SLC38A1: variants seen among roughly 807,000 people sequenced by gnomAD.
The protein encoded by SLC38A1 is sodium-coupled neutral amino acid symporter 1.
In SLC38A1, 18 loss-of-function variants were observed where a neutral mutation model predicts 60.3. The observed-to-expected ratio is 0.30, with a 90% CI of 0.21 to 0.44. The LOEUF (loss-of-function observed/expected upper bound fraction) is 0.44. Among genes scored for constraint, SLC38A1 ranks in the 20% least tolerant of loss-of-function variants. The pLI, the probability that SLC38A1 is intolerant of heterozygous loss-of-function variation, is 1.00. For synonymous variants in SLC38A1, 196 were observed against 212.1 expected (o/e 0.92, Z 0.66); for missense variants, 448 against 587.2 (o/e 0.76, Z 2.45).
intron 1 of SLC38A1, among the ~76,000 whole-genome samples, chr12:46,258,810 T>C (rs1470348775): frequency 2.0e-5 from 3 of 152,200 alleles, no homozygotes; most frequent in East Asian, 1.9e-4. Context: ...CATGCCACCA[T>C]GCCCAGCTAA....
At chr12:46,218,035 A>C (rs1199032148) in intron 5 of SLC38A1, among the ~76,000 whole-genome samples, 1 of 152,238 alleles carries the variant, frequency 6.6e-6, no homozygotes, top group Non-Finnish European at 1.5e-5. Flanking sequence ...GGAATCTAAA[A>C]GAAGTATCCC....
intron 5 of SLC38A1, among the ~76,000 whole-genome samples, chr12:46,213,815 A>T (rs1940286186): frequency 6.6e-6 from 1 of 152,232 alleles, no homozygotes; most frequent in South Asian, 2.1e-4. Flanking sequence ...AGACTGTAAG[A>T]CAGACAACGA....
intron 3 of SLC38A1, among the ~76,000 whole-genome samples, chr12:46,234,446 CTT>C (rs397791217): frequency 2.8e-5 from 4 of 140,664 alleles, no homozygotes; most frequent in African/African-American, 5.4e-5. Context: ...TTCTTTCTTT[CTT>C]TTTTTTTTTT....
At chr12:46,207,313 C>T (rs923499275) in intron 7 of SLC38A1, 77 bp from the exon 8 acceptor site, 74 of 1,289,924 alleles carry the variant, frequency 5.7e-5, no homozygotes, top group Non-Finnish European at 7.9e-5. Flanking sequence ...GTTATCAGCC[C>T]GTTCTTAGAC....
intron 5 of SLC38A1, among the ~76,000 whole-genome samples, chr12:46,225,726 T>TC (rs1404009295): frequency 2.0e-5 from 3 of 152,140 alleles, no homozygotes; most frequent in Admixed American, 6.5e-5. Context: ...AGCCTTGTTT[T>TC]CCCCCCATTC....
chr12:46,245,882 C>T lies in SLC38A1; in HGVS notation c.-208-2568G>A, dbSNP rs181596971. ...TTTTATTTTTATTTCCTTTCTTTAG[C>T]TCTAGTCCCTCTTCCTTCTCTTTTT... On this transcript the variant is annotated intron_variant, in intron 1 of 16. Coordinates refer to ENST00000398637, the MANE Select transcript of SLC38A1 (RefSeq NM_030674.4). 4.1e-3 allele frequency among the ~76,000 whole-genome samples: 625 copies of T among 152,296 alleles called. 4 individuals are homozygous for T. Among genetic ancestry groups the T allele is most frequent in the African/African-American group, 0.014 (578 of 41,548 alleles).
intron 11 of SLC38A1, 139 bp from the exon 12 acceptor site, chr12:46,203,228 T>A (rs1939740735): frequency 7.1e-6 from 5 of 708,344 alleles, no homozygotes; most frequent in Middle Eastern, 2.9e-4. Flanking sequence ...GAGGTTTTGA[T>A]CTCTAAAGTA....
chr12:46,196,326 T>C (rs1220847410), intron 16 of SLC38A1: 1 of 1,531,604 alleles, frequency 6.5e-7, no homozygotes, highest in Admixed American at 2.0e-5. Flanking sequence ...GCACATGGCA[T>C]ACCATCCTGG....
intron 5 of SLC38A1, among the ~76,000 whole-genome samples, chr12:46,210,483 A>C (rs1442525602): frequency 6.6e-6 from 1 of 152,240 alleles, no homozygotes; most frequent in Non-Finnish European, 1.5e-5. Flanking sequence ...TTGGTAAGGA[A>C]GTACATTCAG....
rs538934469 is a variant in SLC38A1 at position 46,261,817 on chromosome 12, G to C, written c.-209+6709C>G. On this transcript the variant is annotated intron_variant, in intron 1 of 16. Transcript: ENST00000398637. ...CCAGAGAAGGAGTTGTATTAAAGAA[G>C]TGGTTCTCAACTGGGGACAATTGTG... 5.3e-5 allele frequency among the ~76,000 whole-genome samples: 8 copies of C among 152,348 alleles called. No homozygotes were observed. In the East Asian group the frequency reaches 1.5e-3, roughly 29 times the overall value.
At position 46,217,747 on chromosome 12, in the gene SLC38A1, C is replaced by T. The variant is rs112073857; in HGVS notation, c.315-8620G>A. Reference sequence around the variant, plus strand: ...TTCTGAGGGTCAGAAGACCAGCACACGGTGACCTTGTAGCATGTGATCATG... The same window carrying T: ...TTCTGAGGGTCAGAAGACCAGCACATGGTGACCTTGTAGCATGTGATCATG... On this transcript the variant is annotated intron_variant, in intron 5 of 16. Transcript: ENST00000398637. Among the ~76,000 whole-genome samples the T allele has an allele frequency of 3.1e-3, 473 of 152,260 alleles. 5 individuals are homozygous for T. The highest frequency in any genetic ancestry group is 0.011 in the African/African-American group (445 of 41,546).
At chr12:46,211,623 T>C (rs1940175371) in intron 5 of SLC38A1, among the ~76,000 whole-genome samples, 1 of 152,202 alleles carries the variant, frequency 6.6e-6, no homozygotes, top group South Asian at 2.1e-4. Context: ...TTGAGCATCA[T>C]AAACTGCTAT....
At chr12:46,233,489 C>T (rs1941150571) in intron 3 of SLC38A1, among the ~76,000 whole-genome samples, 1 of 152,082 alleles carries the variant, frequency 6.6e-6, no homozygotes, top group South Asian at 2.1e-4. Context: ...CAATAAACTG[C>T]CCGTTATGGA....
At chr12:46,208,867 A>G (rs577400102) in intron 6 of SLC38A1, among the ~76,000 whole-genome samples, 187 bp downstream of exon 6, 1 of 152,340 alleles carries the variant, frequency 6.6e-6, no homozygotes, top group African/African-American at 2.4e-5. Flanking sequence ...TGACAATTTA[A>G]TTTATATTTT....
chr12:46,261,274 C>T (rs1324700121), intron 1 of SLC38A1, among the ~76,000 whole-genome samples: 1 of 152,214 alleles, frequency 6.6e-6, no homozygotes, highest in Non-Finnish European at 1.5e-5. Context: ...GGGAGAGGGA[C>T]ATAATTGTTC....
At chr12:46,263,675 C>T (rs1193333019) in intron 1 of SLC38A1, among the ~76,000 whole-genome samples, 2 of 151,972 alleles carry the variant, frequency 1.3e-5, no homozygotes, top group East Asian at 1.9e-4. Flanking sequence ...TTTCCATTGT[C>T]GCTTTCTTTT....
chr12:46,254,493 A>G (rs1374918782), intron 1 of SLC38A1, among the ~76,000 whole-genome samples: 1 of 152,204 alleles, frequency 6.6e-6, no homozygotes, highest in African/African-American at 2.4e-5. Context: ...TTTCGCTTTG[A>G]TGGAACTCTG....
intron 16 of SLC38A1, chr12:46,195,670 C>T (rs112321590): frequency 6.1e-6 from 1 of 163,870 alleles, no homozygotes; most frequent in African/African-American, 2.4e-5. Flanking sequence ...GGATGCCTCT[C>T]CCTGCATCAA....
Position 46,268,722 on chromosome 12 carries a change from G to A in SLC38A1, c.-405C>T. On this transcript the variant is annotated 5_prime_UTR_variant, in exon 1 of 17. Transcript: ENST00000398637. This position sits in a 1 kb window ranked among gnomAD's most constrained non-coding sequence, Gnocchi z 4.4. ...ATTTCGGAGGAAGGTGAAGGGCGGA[G>A]GCTCCTGGCGACCTTCTGGCGGAGT... The A allele has an allele frequency of 3.3e-6, 1 of 302,538 alleles. No homozygotes were observed. The highest frequency in any genetic ancestry group is 4.3e-4 in the Middle Eastern group (1 of 2,318). 18.7% of individuals were successfully genotyped at this position (302,538 alleles called of 1,614,324 possible).
Sources: gnomAD v4.1 joint callset for allele counts (sites outside exome capture counted in the v4.1 genomes callset) on GRCh38, gnomAD v4.1.1 for gene constraint, Gnocchi (gnomAD v3.1) non-coding constraint, MANE v1.5 for transcripts, NCBI Gene and HGNC (gene_info 2026-07-23, HGNC 2026-07-21) for gene names.